CNTLN: variants seen among roughly 807,000 people sequenced by gnomAD.
CNTLN encodes the protein centlein, centrosomal protein.
CNTLN carries 212 observed loss-of-function variants against 180.0 expected under a neutral mutation model. The ratio of observed to expected loss-of-function variants is 1.18; its 90% confidence interval spans 1.05 to 1.32. The LOEUF is 1.32. CNTLN is among the 40% of genes most tolerant of loss of function. The pLI, the probability that CNTLN is intolerant of heterozygous loss-of-function variation, is 0.00. For synonymous variants in CNTLN, 722 were observed against 563.1 expected (o/e 1.28, Z -3.99); for missense variants, 2,095 against 1,610.9 (o/e 1.30, Z -5.14).
At chr9:17,262,842 G>T (rs893574705) in intron 5 of CNTLN, among the ~76,000 whole-genome samples, 18 of 151,304 alleles carry the variant, frequency 1.2e-4, no homozygotes, top group Non-Finnish European at 1.8e-4. Context: ...GTTGGCTGTG[G>T]GTTTGTCGTA....
chr9:17,238,433 A>G (rs1043488124), intron 5 of CNTLN, among the ~76,000 whole-genome samples: 2 of 152,214 alleles, frequency 1.3e-5, no homozygotes, highest in African/African-American at 4.8e-5. Flanking sequence ...CCCATGAAGC[A>G]TGGTCATAAA....
intron 12 of CNTLN, among the ~76,000 whole-genome samples, chr9:17,350,199 C>G (rs935078006): frequency 1.3e-5 from 2 of 152,200 alleles, no homozygotes; most frequent in Non-Finnish European, 2.9e-5. Context: ...TTAAGCTTCT[C>G]TAATCCAGCA....
At chr9:17,509,357 G>A in the CNTLN span, among the ~76,000 whole-genome samples, 1 of 152,218 alleles carries the variant, frequency 6.6e-6, no homozygotes, top group African/African-American at 2.4e-5. Context: ...AGACACTCTG[G>A]ATGTGGGTTT....
intron 2 of CNTLN, among the ~76,000 whole-genome samples, chr9:17,223,095 T>C (rs1052808389): frequency 6.6e-6 from 1 of 152,074 alleles, no homozygotes; most frequent in Non-Finnish European, 1.5e-5. Context: ...AGGCAGGTTG[T>C]GTTTATAGCA....
intron 18 of CNTLN, among the ~76,000 whole-genome samples, chr9:17,436,476 A>G (rs1362923424): frequency 6.6e-6 from 1 of 152,236 alleles, no homozygotes; most frequent in Non-Finnish European, 1.5e-5. Flanking sequence ...AGAATTTGGA[A>G]TTAAAAACAG....
chr9:17,311,432 A>G lies in CNTLN; in HGVS notation c.1341+2180A>G, dbSNP rs149218037. Among the ~76,000 whole-genome samples the G allele has an allele frequency of 7.3e-4, 109 of 149,576 alleles. 2 individuals are homozygous for G. Among genetic ancestry groups the G allele is most frequent in the African/African-American group, 2.1e-3 (87 of 40,630 alleles). ...AAAGACAGAAAGATTCCCAATCAAA[A>G]TCCCAGGAGGGTTTTTCTGTTTTTT... is the stretch of plus-strand genomic sequence containing the variant. On this transcript the variant is annotated intron_variant, in intron 8 of 25. Coordinates refer to ENST00000380647, the MANE Select transcript of CNTLN (RefSeq NM_017738.4).
chr9:17,238,574 A>G (rs914862548), intron 5 of CNTLN, among the ~76,000 whole-genome samples: 1 of 152,156 alleles, frequency 6.6e-6, no homozygotes, highest in Non-Finnish European at 1.5e-5. Flanking sequence ...TTACCACAGA[A>G]TCATATGCCT....
chr9:17,287,513 T>G (rs1344625244), intron 6 of CNTLN, among the ~76,000 whole-genome samples: 2 of 151,398 alleles, frequency 1.3e-5, no homozygotes, highest in African/African-American at 4.9e-5. Flanking sequence ...AGAATGATGC[T>G]GGCCTCATAA....
chr9:17,151,246 G>C (rs1166136101), intron 2 of CNTLN, among the ~76,000 whole-genome samples: 1 of 152,082 alleles, frequency 6.6e-6, no homozygotes, highest in East Asian at 1.9e-4. Flanking sequence ...GGAATGCTTT[G>C]AGTTTTTGCC....
At chr9:17,310,172 C>T (rs2132922491) in intron 8 of CNTLN, among the ~76,000 whole-genome samples, 1 of 152,248 alleles carries the variant, frequency 6.6e-6, no homozygotes, top group Middle Eastern at 3.4e-3. Context: ...AAGACTAGAT[C>T]ATTACAAATG....
chr9:17,352,699 G>C (rs1298224704), intron 12 of CNTLN, among the ~76,000 whole-genome samples: 1 of 152,088 alleles, frequency 6.6e-6, no homozygotes, highest in Non-Finnish European at 1.5e-5. Context: ...TAACCAGTCA[G>C]TCTCTGTCTC....
chr9:17,446,954 A>G, intron 18 of CNTLN, among the ~76,000 whole-genome samples: 1 of 152,192 alleles, frequency 6.6e-6, no homozygotes, highest in African/African-American at 2.4e-5. Flanking sequence ...GTTTCTGATA[A>G]CTCAGTCATT....
Position 17,463,303 on chromosome 9 carries a change from G to T in CNTLN, c.3404+290G>T, listed in dbSNP as rs559133934. On this transcript the variant is annotated intron_variant, in intron 20 of 25. Coordinates refer to ENST00000380647, the MANE Select transcript of CNTLN (RefSeq NM_017738.4). ...GACAATGAATGAAAAACTTTACAAC[G>T]TGGTGGTTATTTGGCCCCCCAAATA... Among the ~76,000 whole-genome samples, 10 of 151,608 alleles carry T rather than the reference G, an allele frequency of 6.6e-5. 1 individual carries two copies. The highest frequency in any genetic ancestry group is 3.4e-3 in the Middle Eastern group (1 of 294).
At chr9:17,189,073 GTTTTTTTTTTT>G (rs1175101171) in intron 2 of CNTLN, among the ~76,000 whole-genome samples, 9 of 68,904 alleles carry the variant, frequency 1.3e-4, no homozygotes, top group South Asian at 1.3e-3. Flanking sequence ...TTGGGACTTA[GTTTTTTTTTTT>G]TTTTTTTTTT....
At chr9:17,265,731 A>G (rs964365357) in intron 5 of CNTLN, among the ~76,000 whole-genome samples, 14 of 152,256 alleles carry the variant, frequency 9.2e-5, no homozygotes, top group Admixed American at 8.5e-4. Flanking sequence ...TTATTGGTCT[A>G]TTCAGAGACT....
chr9:17,521,083 T>C, the CNTLN span, among the ~76,000 whole-genome samples: 12 of 152,164 alleles, frequency 7.9e-5, no homozygotes, highest in African/African-American at 2.7e-4. Context: ...GTAAGTAATC[T>C]AACTAGACAA....
intron 12 of CNTLN, among the ~76,000 whole-genome samples, chr9:17,352,412 ATATAT>A (rs1384374474): frequency 3.5e-3 from 56 of 15,790 alleles, no homozygotes; most frequent in Non-Finnish European, 7.1e-3. Context: ...ATATATATAT[ATATAT>A]TTTTTTTTTT....
chr9:17,472,392 G>T (rs772091475), intron 23 of CNTLN, among the ~76,000 whole-genome samples: 1 of 152,100 alleles, frequency 6.6e-6, no homozygotes, highest in Non-Finnish European at 1.5e-5. Context: ...TAGTCATACA[G>T]CTTAGCACCC....
chr9:17,298,760 T>C, intron 7 of CNTLN: 3 of 988,592 alleles, frequency 3.0e-6, no homozygotes, highest in Non-Finnish European at 3.6e-6. Flanking sequence ...TCTTCACAAA[T>C]ACAAAGGGGA....
Sources: allele counts gnomAD v4.1 joint callset (sites outside exome capture counted in the v4.1 genomes callset), GRCh38; gene constraint gnomAD v4.1.1; transcripts MANE v1.5; gene names NCBI Gene and HGNC (gene_info 2026-07-23, HGNC 2026-07-21).